The following OPCML variants were observed in gnomAD, a reference collection of about 807,000 sequenced individuals.
OPCML encodes the protein opioid-binding protein/cell adhesion molecule.
Under a neutral mutation model 37.8 loss-of-function variants are expected in OPCML, and 13 were observed. The ratio of observed to expected loss-of-function variants is 0.34; its 90% CI spans 0.22 to 0.55. OPCML has a LOEUF of 0.55. OPCML is among the 20% of genes least tolerant of loss of function. The pLI is 0.91. For missense variants in OPCML, 341 were observed against 435.6 expected (o/e 0.78, Z 1.93); for synonymous variants, 176 against 168.8 (o/e 1.04, Z -0.33).
At position 133,208,662 on chromosome 11, in the gene OPCML, C is replaced by T. The variant is rs1340588935; in HGVS notation, c.62-265652G>A. On this transcript the variant is annotated intron_variant, in intron 1 of 7. Coordinates refer to ENST00000524381, the MANE Select transcript of OPCML (RefSeq NM_001012393.5). This position sits in a 1 kb window ranked among gnomAD's most constrained non-coding sequence, Gnocchi z 8.9. ...CCTTTGTCTGCTGTTAAGCTTCATG[C>T]ACCTTCTCATGTCCATTTACTGAAG... Among the ~76,000 whole-genome samples, 2 of 152,322 alleles carry T rather than the reference C, an allele frequency of 1.3e-5. No individual in the cohort carries two copies. Among genetic ancestry groups the T allele is most frequent in the Admixed American group, 6.5e-5 (1 of 15,300 alleles).
intron 2 of OPCML, among the ~76,000 whole-genome samples, chr11:132,686,061 T>C (rs961787572): frequency 2.0e-5 from 3 of 152,342 alleles, no homozygotes; most frequent in African/African-American, 7.2e-5. Flanking sequence ...CTGCCTCACC[T>C]ATAGAGCTGT....
intron 1 of OPCML, among the ~76,000 whole-genome samples, chr11:133,201,402 C>A (rs187419334): frequency 1.4e-4 from 21 of 151,878 alleles, no homozygotes; most frequent in Non-Finnish European, 1.2e-4. Flanking sequence ...ATTCTTGACA[C>A]CCAATAAATG....
At chr11:133,114,696 A>C (rs1007682308) in intron 1 of OPCML, among the ~76,000 whole-genome samples, 1 of 141,546 alleles carries the variant, frequency 7.1e-6, no homozygotes, top group African/African-American at 2.6e-5. Context: ...ATTTGCATCT[A>C]ATTCTTTTAC....
At chr11:132,845,224 A>AT (rs57935608) in intron 2 of OPCML, among the ~76,000 whole-genome samples, 78 of 149,876 alleles carry the variant, frequency 5.2e-4, no homozygotes, top group Admixed American at 3.4e-3. Flanking sequence ...TTTATTTGTG[A>AT]TTTTTTTTTT....
chr11:133,200,929 A>C (rs78247979), intron 1 of OPCML, among the ~76,000 whole-genome samples: 11,948 of 152,242 alleles, frequency 0.078, 660 homozygotes, highest in South Asian at 0.17. Context: ...GTACATACAC[A>C]CTATGGAATA....
intron 3 of OPCML, among the ~76,000 whole-genome samples, chr11:132,554,873 T>TG (rs1555152112): frequency 2.3e-5 from 3 of 131,416 alleles, no homozygotes; most frequent in South Asian, 2.8e-4. Flanking sequence ...GTTTTTTTTT[T>TG]TTTTTTTTTT....
intron 1 of OPCML, among the ~76,000 whole-genome samples, chr11:133,081,841 G>A (rs996116505): frequency 2.9e-5 from 4 of 138,008 alleles, no homozygotes; most frequent in Non-Finnish European, 6.3e-5. Context: ...GCCCCTCCCC[G>A]CCCCTCTCCG....
chr11:132,578,478 T>C (rs2096455703), intron 3 of OPCML, among the ~76,000 whole-genome samples: 1 of 152,190 alleles, frequency 6.6e-6, no homozygotes, highest in African/African-American at 2.4e-5. Context: ...TGCTAACTGG[T>C]CTGCATTTGT....
Position 133,418,222 on chromosome 11 carries a change from T to A in OPCML, c.61+114042A>T, listed in dbSNP as rs1049586922. ...GGTTTCCACCTGATAGGTGTGGTGA[T>A]CTGTATCTAGTTTTTAAGAAGGCCA... On this transcript the variant is annotated intron_variant, in intron 1 of 7. Transcript: ENST00000524381. 12 of 985,270 alleles carry A rather than the reference T, an allele frequency of 1.2e-5. No individual in the cohort carries two copies. In the African/African-American group the frequency reaches 1.9e-4, roughly 16 times the overall value. The allele number at this position is 985,270 out of a possible 1,614,324, so 61.0% of individuals were successfully genotyped here.
rs193216120 is a variant in OPCML at position 132,996,527 on chromosome 11, G to A, written c.62-53517C>T. The stretch of plus-strand genomic sequence containing the variant: ...CTCGGAAGCCTGAGACAAAAGAATC[G>A]CTTGAACCCGGGATGCAGAAGGCAG... On this transcript the variant is annotated intron_variant, in intron 1 of 7. Coordinates refer to ENST00000524381, the MANE Select transcript of OPCML (RefSeq NM_001012393.5). Among the ~76,000 whole-genome samples the A allele has an allele frequency of 2.7e-3, 399 of 149,952 alleles. 2 individuals carry two copies. The highest frequency in any genetic ancestry group is 9.2e-3 in the African/African-American group (375 of 40,704).
Position 133,343,305 on chromosome 11 carries a change from G to A in OPCML, c.61+188959C>T, listed in dbSNP as rs1007926451. Among the ~76,000 whole-genome samples, 4 of 152,266 alleles carry A rather than the reference G, an allele frequency of 2.6e-5. 1 individual carries two copies. The highest frequency in any genetic ancestry group is 2.4e-5 in the African/African-American group (1 of 41,552). The stretch of plus-strand genomic sequence containing the variant: ...TGTTGCCCATCCTCACAGGGCCTAC[G>A]TCACTCTTTAACTATGGGGCTGACA... On this transcript the variant is annotated intron_variant, in intron 1 of 7. Coordinates refer to ENST00000524381, the MANE Select transcript of OPCML (RefSeq NM_001012393.5).
chr11:133,347,978 T>C (rs1052376960), intron 1 of OPCML, among the ~76,000 whole-genome samples: 1 of 152,162 alleles, frequency 6.6e-6, no homozygotes, highest in Non-Finnish European at 1.5e-5. Context: ...GCCAGATACA[T>C]AAAGCTTGAT....
chr11:133,205,285 C>T lies in OPCML; in HGVS notation c.62-262275G>A, dbSNP rs185512792. On this transcript the variant is annotated intron_variant, in intron 1 of 7. Transcript: ENST00000524381. The surrounding 1 kb of genome is among the most constrained non-coding windows in gnomAD (Gnocchi z 4.8). Reference sequence around the variant, plus strand: ...TTGAGGGTGGTGCTCTGGAAGAGGGCCTGGAAGCTCTACACCCCTCCCCGC... The same window carrying T: ...TTGAGGGTGGTGCTCTGGAAGAGGGTCTGGAAGCTCTACACCCCTCCCCGC... Among the ~76,000 whole-genome samples the T allele has an allele frequency of 6.6e-6, 1 of 152,068 alleles. No individual in the cohort carries two copies. The highest frequency in any genetic ancestry group is 1.5e-5 in the Non-Finnish European group (1 of 68,006).
At chr11:132,649,122 G>A (rs1018680470) in intron 3 of OPCML, among the ~76,000 whole-genome samples, 1 of 152,156 alleles carries the variant, frequency 6.6e-6, no homozygotes, top group Non-Finnish European at 1.5e-5. Flanking sequence ...AAGAGTGTGT[G>A]TATGTGTGAG....
At chr11:133,017,326 A>G (rs1283660139) in intron 1 of OPCML, among the ~76,000 whole-genome samples, 3 of 152,094 alleles carry the variant, frequency 2.0e-5, no homozygotes, top group Non-Finnish European at 4.4e-5. Context: ...CTGTCCAGGT[A>G]TTACTCCCTA....
chr11:133,011,943 C>T (rs1565396826), intron 1 of OPCML, among the ~76,000 whole-genome samples: 1 of 152,160 alleles, frequency 6.6e-6, no homozygotes, highest in Admixed American at 6.5e-5. Flanking sequence ...CAGCCACAGA[C>T]AGTTTGTAAA....
intron 1 of OPCML, among the ~76,000 whole-genome samples, chr11:133,354,894 C>T (rs59730556): frequency 0.014 from 2,096 of 152,208 alleles, 39 homozygotes; most frequent in African/African-American, 0.047. Flanking sequence ...GATAAGTTCT[C>T]CTCAAATAAG....
At chr11:132,722,076 C>T (rs1014823982) in intron 2 of OPCML, among the ~76,000 whole-genome samples, 3 of 150,896 alleles carry the variant, frequency 2.0e-5, no homozygotes, top group Non-Finnish European at 4.4e-5. Context: ...CTGCCTCAGC[C>T]TCCCGAGTAG....
intron 1 of OPCML, among the ~76,000 whole-genome samples, chr11:133,166,916 A>G (rs1260683657): frequency 6.6e-6 from 1 of 152,188 alleles, no homozygotes; most frequent in Non-Finnish European, 1.5e-5. Context: ...TATCTAGAAG[A>G]AAAGTGTGTG....
Sources: gnomAD v4.1 joint callset for allele counts (sites outside exome capture counted in the v4.1 genomes callset) on GRCh38, gnomAD v4.1.1 for gene constraint, Gnocchi (gnomAD v3.1) non-coding constraint, MANE v1.5 for transcripts, NCBI Gene and HGNC (gene_info 2026-07-23, HGNC 2026-07-21) for gene names.